Variants in IPCEF1 observed in about 807,000 individuals in gnomAD.
IPCEF1 encodes interactor protein for cytohesin exchange factors 1.
IPCEF1 carries 31 observed loss-of-function variants against 50.9 expected under a neutral mutation model. The ratio of observed to expected loss-of-function variants is 0.61; its 90% CI spans 0.46 to 0.82. The LOEUF is 0.82. IPCEF1 is among the 40% of genes least tolerant of loss of function. IPCEF1 has a pLI of 0.00. For missense variants in IPCEF1, 458 were observed against 514.0 expected, an observed-to-expected ratio of 0.89 and a Z score of 1.05; for synonymous variants, 181 against 192.0, an observed-to-expected ratio of 0.94 and a Z score of 0.47.
chr6:154,285,085 C>T (rs1410876831), intron 2 of IPCEF1, among the ~76,000 whole-genome samples: 1 of 152,186 alleles, frequency 6.6e-6, no homozygotes, highest in Admixed American at 6.5e-5. Context: ...TCCTGTGCCT[C>T]ATTAAGTATT....
chr6:154,188,157 GTT>G (rs766842955), intron 10 of IPCEF1, among the ~76,000 whole-genome samples: 5 of 152,104 alleles, frequency 3.3e-5, no homozygotes, highest in Non-Finnish European at 7.4e-5. Context: ...AATTTAGAAA[GTT>G]TGATTCTTAA....
Position 154,246,760 on chromosome 6 carries a change from C to T in IPCEF1, c.77G>A (p.Gly26Asp). The T allele has an allele frequency of 6.2e-7, 1 of 1,613,474 alleles. No homozygotes were observed. The highest frequency in any genetic ancestry group is 8.5e-7 in the Non-Finnish European group (1 of 1,179,698). ...LRQKPRRKTQ[G>D]FLTMSRRRIS... is the part of the protein sequence containing the mutation. ...CCTCCTCCGACTCATCGTGAGAAAA[C>T]CTGCAATGATTACATGAAGAGGTAG... The change falls in exon 5 of 12, where the codon GGT (glycine) becomes GAT (aspartate). Residue 26 changes from glycine (G) to aspartate (D), a missense_variant and splice_region_variant. Gly to Asp is a moderately conservative substitution (Grantham distance 94). Coordinates refer to ENST00000367220, the MANE Select transcript of IPCEF1 (RefSeq NM_001130700.2).
chr6:154,276,553 C>A (rs1360358214), intron 2 of IPCEF1, among the ~76,000 whole-genome samples: 2 of 152,162 alleles, frequency 1.3e-5, no homozygotes, highest in Non-Finnish European at 2.9e-5. Context: ...GTAACTTATA[C>A]TTTAACACGT....
chr6:154,284,480 T>G (rs1782307603), intron 2 of IPCEF1, among the ~76,000 whole-genome samples: 2 of 152,226 alleles, frequency 1.3e-5, no homozygotes, highest in Admixed American at 1.3e-4. Context: ...TGAGTTGTTC[T>G]GACCAATGGG....
chr6:154,179,157 G>A (rs1800618806), intron 10 of IPCEF1, among the ~76,000 whole-genome samples: 2 of 152,050 alleles, frequency 1.3e-5, no homozygotes, highest in Non-Finnish European at 2.9e-5. Flanking sequence ...AGGATCACAG[G>A]ACAAAAACAG....
intron 1 of IPCEF1, among the ~76,000 whole-genome samples, chr6:154,312,148 A>G (rs76217045): frequency 0.014 from 2,058 of 152,300 alleles, 46 homozygotes; most frequent in African/African-American, 0.046. Context: ...AAAGAAGGCA[A>G]TCCTGTTATT....
At chr6:154,331,192 G>A (rs145032069) in intron 1 of IPCEF1, among the ~76,000 whole-genome samples, 3,233 of 151,986 alleles carry the variant, frequency 0.021, 59 homozygotes, top group Non-Finnish European at 0.033. Context: ...CCTTGAACCC[G>A]GGAAGTGGAG....
rs146876149 is a variant in IPCEF1 at position 154,286,820 on chromosome 6, G to A, written c.-18+2893C>T. On this transcript the variant is annotated intron_variant, in intron 2 of 11. Coordinates refer to ENST00000367220, the MANE Select transcript of IPCEF1 (RefSeq NM_001130700.2). ...AGGACATCTGAAAAAACAAGTTGCT[G>A]GGAATAAAGGCCAGGGCCGATGACA... Among the ~76,000 whole-genome samples the A allele has an allele frequency of 3.1e-3, 471 of 152,356 alleles. 3 individuals are homozygous for A. The highest frequency in any genetic ancestry group is 0.01 in the African/African-American group (434 of 41,574).
At chr6:154,197,817 A>C (rs1464218086) in intron 10 of IPCEF1, among the ~76,000 whole-genome samples, 1 of 152,214 alleles carries the variant, frequency 6.6e-6, no homozygotes, top group Non-Finnish European at 1.5e-5. Flanking sequence ...AGCTATGCTC[A>C]TCCTGGGGGG....
At chr6:154,279,463 C>A (rs964879218) in intron 2 of IPCEF1, among the ~76,000 whole-genome samples, 1 of 152,162 alleles carries the variant, frequency 6.6e-6, no homozygotes, top group African/African-American at 2.4e-5. Context: ...ATAAGGATAT[C>A]GTCCTACTTT....
At chr6:154,195,529 C>A (rs1776542656) in intron 10 of IPCEF1, among the ~76,000 whole-genome samples, 1 of 152,144 alleles carries the variant, frequency 6.6e-6, no homozygotes, top group Admixed American at 6.5e-5. Flanking sequence ...AATTAAGGAA[C>A]ACCTATCCCA....
chr6:154,214,053 T>C lies in IPCEF1; in HGVS notation c.451+165A>G, dbSNP rs1395716611. 2.6e-5 allele frequency among the ~76,000 whole-genome samples: 4 copies of C among 152,260 alleles called. No individual in the cohort carries two copies. The East Asian group carries it at 7.7e-4, about 29-fold the overall frequency. ...GGAAGCTCTATTCCATGTTGGTGAG[T>C]CTGTGTGAATATGTCTGTCTCCACA... On this transcript the variant is annotated intron_variant, in intron 8 of 11. Transcript: ENST00000367220.
At chr6:154,241,234 CA>C (rs11308882) in intron 5 of IPCEF1, among the ~76,000 whole-genome samples, 33,579 of 79,132 alleles carry the variant, frequency 0.42, 3,604 homozygotes, top group Middle Eastern at 0.53. Context: ...GACTCCATCT[CA>C]AAAAAAAAAA....
intron 7 of IPCEF1, among the ~76,000 whole-genome samples, chr6:154,217,791 C>T (rs959949043): frequency 6.6e-6 from 1 of 152,106 alleles, no homozygotes; most frequent in African/African-American, 2.4e-5. Flanking sequence ...CTCAAAAAAG[C>T]ATCTAAAAGT....
intron 3 of IPCEF1, among the ~76,000 whole-genome samples, chr6:154,257,726 G>A: frequency 6.6e-6 from 1 of 152,044 alleles, no homozygotes; most frequent in African/African-American, 2.4e-5. Context: ...TTGAGACAGG[G>A]TCTTGCTTTT....
intron 11 of IPCEF1, among the ~76,000 whole-genome samples, chr6:154,163,155 GT>G (rs957775450): frequency 5.9e-5 from 9 of 152,200 alleles, no homozygotes; most frequent in African/African-American, 2.2e-4. Flanking sequence ...AGAAGCTGGT[GT>G]TTGCAATGGC....
rs1798827277 is a variant in IPCEF1, at chr6:154,159,042, A to G, written c.*786T>C. Reference sequence around the variant, plus strand: ...TCACAGCCAAGGACAAGAGCAGTAGACATTCTTTGCGGAACATATTCCTAT... The same window carrying G: ...TCACAGCCAAGGACAAGAGCAGTAGGCATTCTTTGCGGAACATATTCCTAT... On this transcript the variant is annotated 3_prime_UTR_variant, in exon 12 of 12. Coordinates refer to ENST00000367220, the MANE Select transcript of IPCEF1 (RefSeq NM_001130700.2). 1 of 152,282 alleles carries G rather than the reference A, an allele frequency of 6.6e-6. No individual in the cohort carries two copies. Among genetic ancestry groups the G allele is most frequent in the African/African-American group, 2.4e-5 (1 of 41,470 alleles). The allele number at this position is 152,282 out of a possible 1,614,324, so 9.4% of individuals were successfully genotyped here. A position where few individuals can be genotyped will look rare whatever the true frequency, so the allele number is the denominator to read the frequency against.
intron 2 of IPCEF1, among the ~76,000 whole-genome samples, chr6:154,281,614 C>T (rs947922093): frequency 1.3e-5 from 2 of 152,130 alleles, no homozygotes; most frequent in African/African-American, 4.8e-5. Flanking sequence ...GTAATCCCAG[C>T]ACTTTGGGAG....
At chr6:154,288,939 T>G (rs963917365) in intron 2 of IPCEF1, among the ~76,000 whole-genome samples, 1 of 151,374 alleles carries the variant, frequency 6.6e-6, no homozygotes, top group Non-Finnish European at 1.5e-5. Context: ...GTGGCATACT[T>G]GGGAGGCTGA....
Sources: allele counts gnomAD v4.1 joint callset (sites outside exome capture counted in the v4.1 genomes callset), GRCh38; gene constraint gnomAD v4.1.1; transcripts MANE v1.5; gene names NCBI Gene and HGNC (gene_info 2026-07-23, HGNC 2026-07-21).